Variants in KIAA1217 observed in about 807,000 individuals in gnomAD.
KIAA1217 encodes KIAA1217, also known as sickle tail protein homolog.
KIAA1217 carries 88 observed loss-of-function variants against 163.9 expected under a neutral mutation model. The ratio of observed to expected loss-of-function variants is 0.54; its 90% confidence interval spans 0.45 to 0.64. The LOEUF is 0.64. Among genes scored for constraint, KIAA1217 ranks in the 30% least tolerant of loss-of-function variants. The probability of loss-of-function intolerance (pLI) is 0.00; values close to 1 mark genes in which losing one functional copy is unlikely to be tolerated. For missense variants in KIAA1217, 2,372 were observed against 2,475.0 expected, an observed-to-expected ratio of 0.96 and a Z score of 0.88; for synonymous variants, 903 against 923.1, an observed-to-expected ratio of 0.98 and a Z score of 0.39.
At chr10:24,324,413 A>C (rs1030474298) in intron 2 of KIAA1217, among the ~76,000 whole-genome samples, 1 of 152,134 alleles carries the variant, frequency 6.6e-6, no homozygotes, top group African/African-American at 2.4e-5. Context: ...CTAAAAATAC[A>C]AAAATTAGCC....
intron 1 of KIAA1217, among the ~76,000 whole-genome samples, chr10:23,998,264 C>G (rs1846588215): frequency 6.6e-6 from 1 of 151,986 alleles, no homozygotes; most frequent in South Asian, 2.1e-4. Context: ...GCAGTCTGGC[C>G]CCATCCTAAA....
chr10:23,990,186 G>A (rs989424398), intron 1 of KIAA1217, among the ~76,000 whole-genome samples: 29 of 152,194 alleles, frequency 1.9e-4, no homozygotes, highest in African/African-American at 6.8e-4. Flanking sequence ...AAGCAAGGCA[G>A]AGAGAGGAGG....
intron 2 of KIAA1217, among the ~76,000 whole-genome samples, chr10:24,203,430 G>T (rs1184472493): frequency 2.0e-5 from 3 of 152,106 alleles, no homozygotes; most frequent in African/African-American, 4.8e-5. Context: ...GTTCGAGAAT[G>T]CTCCAGGAGT....
intron 2 of KIAA1217, among the ~76,000 whole-genome samples, chr10:24,075,981 C>T (rs534760339): frequency 3.9e-5 from 6 of 152,124 alleles, no homozygotes; most frequent in Admixed American, 3.3e-4. Context: ...CTGAAGATAG[C>T]CTAAACTGTA....
chr10:23,757,027 C>G (rs1369939129), intron 1 of KIAA1217, among the ~76,000 whole-genome samples: 5 of 152,156 alleles, frequency 3.3e-5, no homozygotes, highest in Admixed American at 3.3e-4. Context: ...CAAGTTTCAT[C>G]CATGTCATAG....
chr10:23,942,200 A>C (rs1843803322), intron 1 of KIAA1217, among the ~76,000 whole-genome samples: 1 of 152,220 alleles, frequency 6.6e-6, no homozygotes, highest in Non-Finnish European at 1.5e-5. Flanking sequence ...GAATGAAGAT[A>C]AAAAACTGAC....
rs372330424 is a variant in KIAA1217 at position 24,155,323 on chromosome 10, C to A, written c.-170-64303C>A. Among the ~76,000 whole-genome samples the A allele has an allele frequency of 5.9e-5, 9 of 152,238 alleles. No homozygotes were observed. The South Asian group carries it at 6.2e-4, about 11-fold the overall frequency. On this transcript the variant is annotated intron_variant, in intron 2 of 18. Coordinates refer to the KIAA1217 transcript ENST00000376462. ...GAGTTGGGCAACTTGGATAGATCCACAGAACCCTAGTTAGTGGTGCTGGAT... is the reference window on the plus strand; with the variant it reads ...GAGTTGGGCAACTTGGATAGATCCAAAGAACCCTAGTTAGTGGTGCTGGAT...
At chr10:24,498,298 G>A (rs1204625578) in intron 8 of KIAA1217, among the ~76,000 whole-genome samples, 2 of 152,134 alleles carry the variant, frequency 1.3e-5, no homozygotes, top group Admixed American at 6.5e-5. Context: ...AGCAGAAAGG[G>A]AAGAAGATCA....
At chr10:24,476,384 T>C (rs2064041758) in intron 6 of KIAA1217, among the ~76,000 whole-genome samples, 1 of 152,184 alleles carries the variant, frequency 6.6e-6, no homozygotes, top group Non-Finnish European at 1.5e-5. Context: ...CTATGGGTAT[T>C]CTTTGAGAGC....
intron 2 of KIAA1217, among the ~76,000 whole-genome samples, chr10:24,373,169 T>C (rs2051931252): frequency 6.6e-6 from 1 of 152,198 alleles, no homozygotes; most frequent in Non-Finnish European, 1.5e-5. Flanking sequence ...TGTGAGCACC[T>C]GGTTCCACCC....
At chr10:24,103,494 G>C (rs115696610) in intron 2 of KIAA1217, among the ~76,000 whole-genome samples, 5 of 152,110 alleles carry the variant, frequency 3.3e-5, no homozygotes, top group Admixed American at 1.3e-4. Flanking sequence ...ATTTGGAAAA[G>C]ACACATCTGA....
upstream of KIAA1217, among the ~76,000 whole-genome samples, chr10:24,207,282 T>TCTCTCTCTCACACACACA (rs529791287): frequency 1.1e-4 from 15 of 140,234 alleles, no homozygotes; most frequent in African/African-American, 4.3e-4. Context: ...TCTCTCTCTC[T>TCTCTCTCTCACACACACA]CACACACACA....
At chr10:24,125,464 C>A (rs966127923) in intron 2 of KIAA1217, among the ~76,000 whole-genome samples, 1 of 151,164 alleles carries the variant, frequency 6.6e-6, no homozygotes, top group Non-Finnish European at 1.5e-5. Context: ...AATGAATTGA[C>A]CATTTTTGGC....
rs967000808 is a variant in KIAA1217 at position 23,695,543 on chromosome 10, C to T, written c.-321+309C>T. Among the ~76,000 whole-genome samples, 1 of 152,152 alleles carries T rather than the reference C, an allele frequency of 6.6e-6. No homozygotes were observed. The highest frequency in any genetic ancestry group is 1.5e-5 in the Non-Finnish European group (1 of 68,036). On this transcript the variant is annotated intron_variant, in intron 1 of 18. Coordinates refer to the KIAA1217 transcript ENST00000376462. The surrounding 1 kb of genome is among the most constrained non-coding windows in gnomAD (Gnocchi z 4.9). ...GGGAGAGTGAAGGTGGAGGCAGTCA[C>T]ACCTATCCTGGTGACCTTGGCGTGC... is the stretch of plus-strand genomic sequence containing the variant.
At chr10:24,192,155 A>G (rs904666572) in intron 2 of KIAA1217, among the ~76,000 whole-genome samples, 2 of 152,246 alleles carry the variant, frequency 1.3e-5, no homozygotes, top group African/African-American at 4.8e-5. Flanking sequence ...ATGTTTATGC[A>G]TACGTCTGGT....
intron 2 of KIAA1217, among the ~76,000 whole-genome samples, chr10:24,240,366 A>T (rs1263833879): frequency 6.6e-6 from 1 of 152,258 alleles, no homozygotes; most frequent in African/African-American, 2.4e-5. Context: ...TTTTGAAACT[A>T]AAACTACTTA....
chr10:23,738,381 T>C (rs2130804217), intron 1 of KIAA1217, among the ~76,000 whole-genome samples: 1 of 152,304 alleles, frequency 6.6e-6, no homozygotes, highest in South Asian at 2.1e-4. Flanking sequence ...CTTTCGAAGG[T>C]TTGGCATTTA....
chr10:23,931,207 AT>A (rs1262947849), intron 1 of KIAA1217, among the ~76,000 whole-genome samples: 3 of 152,076 alleles, frequency 2.0e-5, no homozygotes, highest in Non-Finnish European at 1.5e-5. Context: ...TTCTTGTATA[AT>A]TCCTACAATA....
intron 2 of KIAA1217, among the ~76,000 whole-genome samples, chr10:24,272,709 A>G (rs1032859854): frequency 6.6e-6 from 1 of 152,204 alleles, no homozygotes; most frequent in Admixed American, 6.5e-5. Context: ...GGCATTAACA[A>G]GTATTTCGGA....
Sources: allele counts gnomAD v4.1 joint callset (sites outside exome capture counted in the v4.1 genomes callset), GRCh38; gene constraint gnomAD v4.1.1; non-coding constraint Gnocchi (gnomAD v3.1); transcripts MANE v1.5; gene names NCBI Gene and HGNC (gene_info 2026-07-23, HGNC 2026-07-21).